The following SEMA6D variants were observed in gnomAD, a reference collection of about 807,000 sequenced individuals.
SEMA6D encodes semaphorin-6D.
SEMA6D carries 35 observed loss-of-function variants against 106.6 expected under a neutral mutation model. The observed-to-expected ratio is 0.33, with a 90% CI of 0.25 to 0.44. The LOEUF (loss-of-function observed/expected upper bound fraction) is 0.44. Ranked by LOEUF, SEMA6D falls within the 20% of genes least tolerant of loss-of-function variation. The probability of loss-of-function intolerance (pLI) is 1.00; values close to 1 mark genes in which losing one functional copy is unlikely to be tolerated. For missense variants in SEMA6D, 1,185 were observed against 1,345.9 expected (o/e 0.88, Z 1.87); for synonymous variants, 499 against 487.7 (o/e 1.02, Z -0.31).
chr15:47,198,340 T>C (rs972022359), intron 1 of SEMA6D, among the ~76,000 whole-genome samples: 2 of 152,182 alleles, frequency 1.3e-5, no homozygotes, highest in African/African-American at 4.8e-5. Flanking sequence ...CTACAAAATA[T>C]GACAACTCTG....
chr15:47,264,017 A>C (rs1205555693), intron 1 of SEMA6D, among the ~76,000 whole-genome samples: 1 of 151,870 alleles, frequency 6.6e-6, no homozygotes, highest in East Asian at 2.0e-4. Flanking sequence ...ATGTGGCCAT[A>C]AAAAAGAACA....
intron 1 of SEMA6D, among the ~76,000 whole-genome samples, chr15:47,185,282 A>T (rs1349113340): frequency 6.6e-6 from 1 of 152,228 alleles, no homozygotes; most frequent in African/African-American, 2.4e-5. Flanking sequence ...TAGTCGACAG[A>T]GAAAACCGCT....
At chr15:47,384,003 G>A (rs7175414) in intron 1 of SEMA6D, among the ~76,000 whole-genome samples, 33,430 of 152,132 alleles carry the variant, frequency 0.22, 3,949 homozygotes, top group Middle Eastern at 0.33. Flanking sequence ...CATTTACAAT[G>A]GGCTCCGTTA....
chr15:47,727,975 G>A (rs1046996388), intron 1 of SEMA6D, among the ~76,000 whole-genome samples: 2 of 152,202 alleles, frequency 1.3e-5, no homozygotes, highest in East Asian at 1.9e-4. Context: ...AGAAAGCTCC[G>A]CTGGCTGAGA....
intron 2 of SEMA6D, among the ~76,000 whole-genome samples, chr15:47,462,752 C>G (rs541852112): frequency 9.9e-5 from 15 of 152,118 alleles, no homozygotes; most frequent in African/African-American, 3.4e-4. Flanking sequence ...AAGGCCTTCT[C>G]TTTTTCATTA....
At chr15:47,287,470 C>G (rs2035418470) in intron 1 of SEMA6D, among the ~76,000 whole-genome samples, 1 of 152,206 alleles carries the variant, frequency 6.6e-6, no homozygotes, top group Non-Finnish European at 1.5e-5. Context: ...CTCCAGCTGA[C>G]TCCACCTGTT....
chr15:47,309,314 G>A (rs1203754556), intron 1 of SEMA6D, among the ~76,000 whole-genome samples: 1 of 152,126 alleles, frequency 6.6e-6, no homozygotes, highest in Admixed American at 6.6e-5. Context: ...ATCCTGTTCT[G>A]TCCCACCTGG....
At chr15:47,359,598 GA>G (rs1306306799) in intron 1 of SEMA6D, 1 of 152,078 alleles carries the variant, frequency 6.6e-6, no homozygotes, top group Non-Finnish European at 1.5e-5. Flanking sequence ...TTCAAGCACT[GA>G]AAGTTACCTT....
intron 4 of SEMA6D, among the ~76,000 whole-genome samples, chr15:47,648,951 A>C (rs918955356): frequency 1.3e-5 from 2 of 152,234 alleles, no homozygotes; most frequent in African/African-American, 4.8e-5. Flanking sequence ...GACAACAGCA[A>C]GTGAGGACCA....
chr15:47,656,600 T>C lies in SEMA6D; in HGVS notation c.-55+55704T>C, dbSNP rs2077799848. ...AAGGATAACTCTATGATTGAGCTTT[T>C]GCTGTCCAGAATTGAGCCTCTGGAA... On this transcript the variant is annotated intron_variant, in intron 4 of 19. Coordinates refer to the SEMA6D transcript ENST00000558014. Among the ~76,000 whole-genome samples, 3 of 152,248 alleles carry C rather than the reference T, an allele frequency of 2.0e-5. No individual in the cohort carries two copies. In the South Asian group the frequency reaches 6.2e-4, roughly 31 times the overall value.
intron 1 of SEMA6D, among the ~76,000 whole-genome samples, chr15:47,291,141 G>GA (rs1221630076): frequency 6.6e-6 from 1 of 152,054 alleles, no homozygotes; most frequent in Non-Finnish European, 1.5e-5. Flanking sequence ...AATTAATGGA[G>GA]AAAAAAAGCC....
chr15:47,429,915 C>T (rs1346211727), intron 2 of SEMA6D, among the ~76,000 whole-genome samples: 1 of 152,016 alleles, frequency 6.6e-6, no homozygotes, highest in African/African-American at 2.4e-5. Context: ...TTTCTCTTAC[C>T]TTCTTGCACC....
chr15:47,367,727 CAGAG>C (rs1229585973), intron 1 of SEMA6D, among the ~76,000 whole-genome samples: 5 of 147,918 alleles, frequency 3.4e-5, no homozygotes, highest in African/African-American at 7.6e-5. Context: ...CACACACACA[CAGAG>C]AGAGAGAAAG....
chr15:47,663,581 A>G (rs1033462673), intron 4 of SEMA6D, among the ~76,000 whole-genome samples: 3 of 152,202 alleles, frequency 2.0e-5, no homozygotes, highest in Admixed American at 2.0e-4. Flanking sequence ...ACTTAGCATC[A>G]TAGAATATTA....
intron 4 of SEMA6D, among the ~76,000 whole-genome samples, chr15:47,644,080 T>G (rs1001996591): frequency 6.6e-6 from 1 of 152,174 alleles, no homozygotes; most frequent in Admixed American, 6.5e-5. Context: ...AAAAAACATC[T>G]ATGCCAGGTC....
At chr15:47,434,992 G>A (rs1247279969) in intron 2 of SEMA6D, among the ~76,000 whole-genome samples, 1 of 151,928 alleles carries the variant, frequency 6.6e-6, no homozygotes, top group African/African-American at 2.4e-5. Context: ...TGATCCCAAA[G>A]GAAGATAATA....
chr15:47,425,672 CTT>C (rs750135945), intron 2 of SEMA6D, among the ~76,000 whole-genome samples: 22 of 136,560 alleles, frequency 1.6e-4, no homozygotes, highest in Admixed American at 2.2e-4. Context: ...AAGATACTTT[CTT>C]TTTTTTTTTT....
chr15:47,297,278 G>A (rs182972250), intron 1 of SEMA6D, among the ~76,000 whole-genome samples: 10 of 152,300 alleles, frequency 6.6e-5, no homozygotes, highest in Admixed American at 3.3e-4. Flanking sequence ...TAAAACAGAT[G>A]TTTCGACTAC....
At chr15:47,698,332 A>T (rs905343447) in intron 4 of SEMA6D, among the ~76,000 whole-genome samples, 4 of 152,224 alleles carry the variant, frequency 2.6e-5, no homozygotes, top group African/African-American at 4.8e-5. Flanking sequence ...CTTAGGTATT[A>T]TTTAACAGAC....
Sources: gnomAD v4.1 joint callset for allele counts (sites outside exome capture counted in the v4.1 genomes callset) on GRCh38, gnomAD v4.1.1 for gene constraint, MANE v1.5 for transcripts, NCBI Gene and HGNC (gene_info 2026-07-23, HGNC 2026-07-21) for gene names.